Variants in CARNMT1 observed in about 807,000 individuals in gnomAD.
CARNMT1 encodes the protein protein-L-histidine N-pros-methyltransferase CARNMT1.
CARNMT1 carries 28 observed loss-of-function variants against 49.6 expected under a neutral mutation model. The observed-to-expected ratio is 0.56, with a 90% CI of 0.42 to 0.77. The LOEUF (loss-of-function observed/expected upper bound fraction) is 0.77. Among genes scored for constraint, CARNMT1 ranks in the 30% least tolerant of loss-of-function variants. CARNMT1 has a pLI of 0.00. For missense variants in CARNMT1, 421 were observed against 512.6 expected (o/e 0.82, Z 1.73); for synonymous variants, 178 against 175.0 (o/e 1.02, Z -0.13).
At chr9:75,025,332 G>A (rs1245026709) in intron 1 of CARNMT1, among the ~76,000 whole-genome samples, 1 of 152,128 alleles carries the variant, frequency 6.6e-6, no homozygotes, top group Non-Finnish European at 1.5e-5. Flanking sequence ...AGAAGATACT[G>A]GTAACATCTG....
intron 5 of CARNMT1, among the ~76,000 whole-genome samples, chr9:74,998,386 C>A (rs568273815): frequency 6.6e-5 from 10 of 152,166 alleles, no homozygotes; most frequent in Non-Finnish European, 1.3e-4. Context: ...ATGGGCCCAA[C>A]AGATTCTAAA....
At chr9:75,012,018 T>A (rs191265210) in intron 3 of CARNMT1, among the ~76,000 whole-genome samples, 13 of 152,292 alleles carry the variant, frequency 8.5e-5, no homozygotes, top group African/African-American at 3.1e-4. Flanking sequence ...CCCAGACTCC[T>A]GACCCATAGC....
rs1163573290 is a variant in CARNMT1, at chr9:75,016,006, G to T, written c.590+262C>A. On this transcript the variant is annotated intron_variant, in intron 3 of 7. Coordinates refer to ENST00000376834, the MANE Select transcript of CARNMT1 (RefSeq NM_152420.3). Reference sequence around the variant, plus strand: ...TTTGCCATAAAGCAAATTATAAAAAGATACACATCATTGATAATTTTCGAC... The same window carrying T: ...TTTGCCATAAAGCAAATTATAAAAATATACACATCATTGATAATTTTCGAC... The T allele has an allele frequency of 1.4e-5, 4 of 291,146 alleles. No homozygotes were observed. In the Admixed American group the frequency reaches 2.0e-4, roughly 14 times the overall value. 18.0% of individuals were successfully genotyped at this position (291,146 alleles called of 1,614,324 possible). A position where few individuals can be genotyped will look rare whatever the true frequency, so the allele number is the denominator to read the frequency against.
At chr9:74,985,655 C>G (rs1231277940) in intron 6 of CARNMT1, among the ~76,000 whole-genome samples, 1 of 151,990 alleles carries the variant, frequency 6.6e-6, no homozygotes, top group Non-Finnish European at 1.5e-5. Context: ...TCTGGGCTTA[C>G]TGCAACCTCC....
chr9:75,013,420 C>T (rs952295543), intron 3 of CARNMT1, among the ~76,000 whole-genome samples: 2 of 151,938 alleles, frequency 1.3e-5, no homozygotes, highest in Non-Finnish European at 2.9e-5. Context: ...AGTTATACCT[C>T]CAATAATATA....
At chr9:75,010,626 A>G (rs138306937) in intron 3 of CARNMT1, among the ~76,000 whole-genome samples, 8 of 152,298 alleles carry the variant, frequency 5.3e-5, no homozygotes, top group African/African-American at 1.9e-4. Flanking sequence ...GAAGAGAAAG[A>G]AGTAGAGGAA....
intron 7 of CARNMT1, 53 bp downstream of exon 7, chr9:74,984,853 TC>T: frequency 8.9e-7 from 1 of 1,125,138 alleles, no homozygotes; most frequent in South Asian, 1.2e-5. Flanking sequence ...TATCAACACT[TC>T]TGTTGAGGTG....
chr9:75,023,529 C>T (rs990681501), intron 1 of CARNMT1, among the ~76,000 whole-genome samples: 1 of 152,128 alleles, frequency 6.6e-6, no homozygotes, highest in African/African-American at 2.4e-5. Context: ...ATCCTTAAAC[C>T]CCTGGTTACT....
chr9:74,999,026 A>C (rs912034528), intron 4 of CARNMT1, among the ~76,000 whole-genome samples: 1 of 152,172 alleles, frequency 6.6e-6, no homozygotes, highest in Non-Finnish European at 1.5e-5. Context: ...TCAGATTTTT[A>C]AAAATGTATT....
At position 74,998,623 on chromosome 9, in the gene CARNMT1, A is replaced by G. The variant is rs12380147; in HGVS notation, c.885T>C (p.Asp295=). Residue 295 remains aspartate, a synonymous_variant, in exon 5 of 8, where the codon GAT becomes GAC. Transcript: ENST00000376834. ...PGSNFSMTAG[D]FQEIYSECNT... ...TGCATTCTGAATAAATCTCTTGAAA[A>G]TCTCCTGCTGTCATAGAAAAGTTAG... is the stretch of plus-strand genomic sequence containing the variant. 9,261 of 1,585,244 alleles carry G rather than the reference A, an allele frequency of 5.8e-3. 29 individuals carry two copies. The highest frequency in any genetic ancestry group is 9.3e-3 in the Admixed American group (491 of 52,634).
At chr9:75,001,329 T>C (rs1445098891) in intron 3 of CARNMT1, among the ~76,000 whole-genome samples, 1 of 152,176 alleles carries the variant, frequency 6.6e-6, no homozygotes, top group Non-Finnish European at 1.5e-5. Flanking sequence ...TTAACAACAA[T>C]TATTTTGCTA....
At chr9:74,993,197 C>T (rs1833081583) in intron 6 of CARNMT1, among the ~76,000 whole-genome samples, 1 of 152,096 alleles carries the variant, frequency 6.6e-6, no homozygotes, top group Non-Finnish European at 1.5e-5. Flanking sequence ...TAATACCAAA[C>T]TGAAGTATAT....
At chr9:75,027,774 T>C (rs774770511) in intron 1 of CARNMT1, among the ~76,000 whole-genome samples, 1 of 152,182 alleles carries the variant, frequency 6.6e-6, no homozygotes, top group Non-Finnish European at 1.5e-5. Context: ...AATCTGATCC[T>C]GAGGTCAGAA....
intron 3 of CARNMT1, among the ~76,000 whole-genome samples, chr9:75,011,507 C>G (rs1185070337): frequency 1.3e-5 from 2 of 152,150 alleles, no homozygotes; most frequent in Non-Finnish European, 2.9e-5. Context: ...GTAGCCAGGA[C>G]TATACAAGTG....
intron 5 of CARNMT1, among the ~76,000 whole-genome samples, chr9:74,998,030 G>A (rs145505440): frequency 2.6e-4 from 40 of 152,094 alleles, no homozygotes; most frequent in Admixed American, 5.9e-4. Flanking sequence ...TTTCTCTCCT[G>A]CCTAGCTCAG....
At chr9:75,023,319 T>G (rs1322608150) in intron 1 of CARNMT1, among the ~76,000 whole-genome samples, 4 of 152,186 alleles carry the variant, frequency 2.6e-5, no homozygotes, top group Non-Finnish European at 5.9e-5. Context: ...TGGTCATTAT[T>G]CAATATCTCC....
intron 3 of CARNMT1, among the ~76,000 whole-genome samples, chr9:75,006,105 G>C (rs756117012): frequency 2.0e-5 from 3 of 151,850 alleles, no homozygotes; most frequent in Non-Finnish European, 4.4e-5. Context: ...AGGCTGGAGT[G>C]CAGTGGCTCT....
chr9:75,020,391 C>T lies in CARNMT1; in HGVS notation c.231-2943G>A, dbSNP rs570075429. 2.6e-5 allele frequency among the ~76,000 whole-genome samples: 4 copies of T among 151,672 alleles called. No homozygotes were observed. In the East Asian group the frequency reaches 7.8e-4, roughly 29 times the overall value. On this transcript the variant is annotated intron_variant, in intron 1 of 7. Transcript: ENST00000376834. ...CAAGCGACTCTCCTGCCTCAGCCTCCCGAGTAGCTGGGACTACAGGTGCGC... is the reference window on the plus strand; with the variant it reads ...CAAGCGACTCTCCTGCCTCAGCCTCTCGAGTAGCTGGGACTACAGGTGCGC...
At chr9:75,007,722 C>T (rs1833552661) in intron 3 of CARNMT1, among the ~76,000 whole-genome samples, 1 of 135,458 alleles carries the variant, frequency 7.4e-6, no homozygotes, top group African/African-American at 2.7e-5. Flanking sequence ...GAGCGAGACC[C>T]TGTCTCAAAA....
Sources: allele counts gnomAD v4.1 joint callset (sites outside exome capture counted in the v4.1 genomes callset), GRCh38; gene constraint gnomAD v4.1.1; transcripts MANE v1.5; gene names NCBI Gene and HGNC (gene_info 2026-07-23, HGNC 2026-07-21).